FEM1B: variants seen among roughly 807,000 people sequenced by gnomAD.
FEM1B encodes fem-1 homolog B.
In FEM1B, 10 loss-of-function variants were observed where a neutral mutation model predicts 38.6. The observed-to-expected ratio is 0.26, with a 90% CI of 0.16 to 0.44. FEM1B has a LOEUF of 0.44. Ranked by LOEUF, FEM1B falls within the 20% of genes least tolerant of loss-of-function variation. FEM1B has a pLI of 1.00. For missense variants in FEM1B, 471 were observed against 786.7 expected (o/e 0.60, Z 4.80); for synonymous variants, 288 against 288.0 (o/e 1.00, Z 0.00).
chr15:68,281,827 G>C lies in FEM1B; in HGVS notation c.248+3162G>C, dbSNP rs1486044938. Among the ~76,000 whole-genome samples, 1 of 152,176 alleles carries C rather than the reference G, an allele frequency of 6.6e-6. No homozygotes were observed. The highest frequency in any genetic ancestry group is 2.4e-5 in the African/African-American group (1 of 41,432). ...GAGACGGTTTCACCGTGTTAGCCAGGATGGTCTCGATCTCCTGACCTCGTG... is the reference window on the plus strand; with the variant it reads ...GAGACGGTTTCACCGTGTTAGCCAGCATGGTCTCGATCTCCTGACCTCGTG... On this transcript the variant is annotated intron_variant, in intron 1 of 1. Transcript: ENST00000306917. This position sits in a 1 kb window ranked among gnomAD's most constrained non-coding sequence, Gnocchi z 5.1.
rs1892697455 is a variant in FEM1B, at chr15:68,278,912, G to A, written c.248+247G>A. Among the ~76,000 whole-genome samples, 1 of 152,004 alleles carries A rather than the reference G, an allele frequency of 6.6e-6. No individual in the cohort carries two copies. The highest frequency in any genetic ancestry group is 1.5e-5 in the Non-Finnish European group (1 of 68,014). ...CTGTGGGAAGATAACCACACCCTCG[G>A]CCTTGAAATCTAATAGTCGTCTTCT... On this transcript the variant is annotated intron_variant, in intron 1 of 1. Coordinates refer to ENST00000306917, the MANE Select transcript of FEM1B (RefSeq NM_015322.5). This position sits in a 1 kb window ranked among gnomAD's most constrained non-coding sequence, Gnocchi z 5.7.
Position 68,288,407 on chromosome 15 carries a change from TC to T in FEM1B, c.249-1199del, listed in dbSNP as rs111367704. 0.052 allele frequency among the ~76,000 whole-genome samples: 7,912 copies of T among 152,282 alleles called. 661 individuals carry two copies. Among genetic ancestry groups the T allele is most frequent in the African/African-American group, 0.17 (7,241 of 41,506 alleles). On this transcript the variant is annotated intron_variant, in intron 1 of 1. Coordinates refer to ENST00000306917, the MANE Select transcript of FEM1B (RefSeq NM_015322.5). This position sits in a 1 kb window ranked among gnomAD's most constrained non-coding sequence, Gnocchi z 4.6. ...ATTGCCCTAGTGAATATTCCTTTGA[TC>T]AACCTTTCTTCTTAACACTTCCAAA...
intron 1 of FEM1B, among the ~76,000 whole-genome samples, chr15:68,285,099 C>G (rs548348660): frequency 4.6e-5 from 7 of 152,322 alleles, no homozygotes; most frequent in Admixed American, 4.6e-4. Context: ...TGTACTTGAA[C>G]TTCCTATAAG....
Position 68,278,424 on chromosome 15 carries a change from G to A in FEM1B, c.7G>A (p.Gly3Ser), listed in dbSNP as rs1340334345. 6.2e-7 allele frequency: 1 copy of A among 1,611,476 alleles called. No homozygotes were observed. The highest frequency in any genetic ancestry group is 8.5e-7 in the Non-Finnish European group (1 of 1,179,262). The change falls in exon 1 of 2, where the codon GGC becomes AGC. Residue 3 changes from glycine to serine, a missense_variant. Gly to Ser is a moderately conservative substitution (Grantham distance 56). Transcript: ENST00000306917. The surrounding 1 kb of genome is among the most constrained non-coding windows in gnomAD (Gnocchi z 5.7). ME[G>S]LAGYVYKAAS... ...GTTGGAGTTGGCGGCGGCCATGGAG[G>A]GCCTGGCTGGCTATGTATACAAGGC...
rs959331340 is a variant in FEM1B, at chr15:68,289,436, A to G, written c.249-171A>G. 3.0e-5 allele frequency: 18 copies of G among 605,276 alleles called. No homozygotes were observed. The highest frequency in any genetic ancestry group is 1.1e-4 in the African/African-American group (6 of 53,916). 37.5% of individuals were successfully genotyped at this position (605,276 alleles called of 1,614,324 possible). On this transcript the variant is annotated intron_variant, in intron 1 of 1. Transcript: ENST00000306917. This position sits in a 1 kb window ranked among gnomAD's most constrained non-coding sequence, Gnocchi z 6.9. Reference sequence around the variant, plus strand: ...TATATTGAGCTTTATATTAGGTACAAGTACTATGCAAAGTGCTTTCCTTAA... The same window carrying G: ...TATATTGAGCTTTATATTAGGTACAGGTACTATGCAAAGTGCTTTCCTTAA...
chr15:68,279,088 T>G (rs1892699563), intron 1 of FEM1B, among the ~76,000 whole-genome samples: 1 of 152,174 alleles, frequency 6.6e-6, no homozygotes, highest in South Asian at 2.1e-4. Flanking sequence ...GGGCATCCAT[T>G]TTTACTCCCT....
intron 1 of FEM1B, among the ~76,000 whole-genome samples, chr15:68,285,341 T>C (rs1453292063): frequency 1.3e-5 from 2 of 152,232 alleles, no homozygotes; most frequent in East Asian, 3.8e-4. Context: ...GTATGTTGTT[T>C]GGTGGACATT....
At position 68,292,876 on chromosome 15, in the gene FEM1B, AG is replaced by A. The variant is rs1267878589; in HGVS notation, c.*1640del. ...ATTTTGAAGGATGGGAGGGGACAGAAGGGGGGACTATCCCCCAAGGATGCAA... is the reference window on the plus strand; with the variant it reads ...ATTTTGAAGGATGGGAGGGGACAGAAGGGGGACTATCCCCCAAGGATGCAA... On this transcript the variant is annotated 3_prime_UTR_variant, in exon 2 of 2. Transcript: ENST00000306917. 6.6e-6 allele frequency: 1 copy of A among 152,246 alleles called. No homozygotes were observed. Among genetic ancestry groups the A allele is most frequent in the East Asian group, 1.9e-4 (1 of 5,182 alleles). The allele number at this position is 152,246 out of a possible 1,614,324, so 9.4% of individuals were successfully genotyped here.
In FEM1B at chr15:68,289,372, T is replaced by C; in HGVS notation, c.249-235T>C. On this transcript the variant is annotated intron_variant, in intron 1 of 1. Coordinates refer to ENST00000306917, the MANE Select transcript of FEM1B (RefSeq NM_015322.5). This position sits in a 1 kb window ranked among gnomAD's most constrained non-coding sequence, Gnocchi z 6.9. ...TTCGTGATTTTTCAGGTTTGTTTTT[T>C]AGGGTTATATACTCTAGTAGTAACA... The C allele has an allele frequency of 2.3e-6, 1 of 437,326 alleles. No homozygotes were observed. The highest frequency in any genetic ancestry group is 3.5e-5 in the East Asian group (1 of 28,724). 27.1% of individuals were successfully genotyped at this position (437,326 alleles called of 1,614,324 possible).
At position 68,286,584 on chromosome 15, in the gene FEM1B, T is replaced by C. The variant is rs144854183; in HGVS notation, c.249-3023T>C. Among the ~76,000 whole-genome samples the C allele has an allele frequency of 1.6e-3, 237 of 152,266 alleles. 1 individual carries two copies. Among genetic ancestry groups the C allele is most frequent in the African/African-American group, 5.5e-3 (230 of 41,538 alleles). ...AGGGAGAATCGACATCTTAACATTA[T>C]AGAGTCTTCTGGATCATGAACATGG... On this transcript the variant is annotated intron_variant, in intron 1 of 1. Transcript: ENST00000306917.
chr15:68,286,070 A>AG (rs146122343), intron 1 of FEM1B, among the ~76,000 whole-genome samples: 1,673 of 151,780 alleles, frequency 0.011, 41 homozygotes, highest in African/African-American at 0.039. Context: ...ATGTACTGTG[A>AG]GGTAGGAATC....
chr15:68,278,727 C>G lies in FEM1B; in HGVS notation c.248+62C>G. 1 of 1,593,368 alleles carries G rather than the reference C, an allele frequency of 6.3e-7. No individual in the cohort carries two copies. On this transcript the variant is annotated intron_variant, in intron 1 of 1. Coordinates refer to ENST00000306917, the MANE Select transcript of FEM1B (RefSeq NM_015322.5). The surrounding 1 kb of genome is among the most constrained non-coding windows in gnomAD (Gnocchi z 5.7). Reference sequence around the variant, plus strand: ...GCGGACTCGTTAATTCACGGGCCCTCCCCTCCCTCACCCTCTCTTACCCTC... The same window carrying G: ...GCGGACTCGTTAATTCACGGGCCCTGCCCTCCCTCACCCTCTCTTACCCTC...
rs771040816 is a variant in FEM1B, at chr15:68,278,068, C to T, written c.-350C>T. 4 of 236,226 alleles carry T rather than the reference C, an allele frequency of 1.7e-5. No individual in the cohort carries two copies. Among genetic ancestry groups the T allele is most frequent in the Admixed American group, 6.1e-5 (1 of 16,452 alleles). The allele number at this position is 236,226 out of a possible 1,614,324, so 14.6% of individuals were successfully genotyped here. ...CCCGGCCGGCGACCCGTAGCTCGGGCACGCGCCTGTCGCATCCCGCAGGAA... is the reference window on the plus strand; with the variant it reads ...CCCGGCCGGCGACCCGTAGCTCGGGTACGCGCCTGTCGCATCCCGCAGGAA... On this transcript the variant is annotated 5_prime_UTR_variant, in exon 1 of 2. Coordinates refer to ENST00000306917, the MANE Select transcript of FEM1B (RefSeq NM_015322.5). The surrounding 1 kb of genome is among the most constrained non-coding windows in gnomAD (Gnocchi z 5.7).
Position 68,291,537 on chromosome 15 carries a change from G to T in FEM1B, c.*295G>T. The T allele has an allele frequency of 3.2e-6, 1 of 316,616 alleles. No homozygotes were observed. 19.6% of individuals were successfully genotyped at this position (316,616 alleles called of 1,614,324 possible). Reference sequence around the variant, plus strand: ...TAAAATGTTTTGTTTATGTAACAAGGGACATTTATAATTTCAAGTTGATAA... The same window carrying T: ...TAAAATGTTTTGTTTATGTAACAAGTGACATTTATAATTTCAAGTTGATAA... On this transcript the variant is annotated 3_prime_UTR_variant, in exon 2 of 2. Coordinates refer to ENST00000306917, the MANE Select transcript of FEM1B (RefSeq NM_015322.5). This position sits in a 1 kb window ranked among gnomAD's most constrained non-coding sequence, Gnocchi z 6.9.
rs1892892544 is a variant in FEM1B, at chr15:68,295,316, A to G, written c.*4074A>G. 6.6e-6 allele frequency: 1 copy of G among 152,228 alleles called. No individual in the cohort carries two copies. Among genetic ancestry groups the G allele is most frequent in the Admixed American group, 6.5e-5 (1 of 15,278 alleles). The allele number at this position is 152,228 out of a possible 1,614,324, so 9.4% of individuals were successfully genotyped here. A position where few individuals can be genotyped will look rare whatever the true frequency, so the allele number is the denominator to read the frequency against. On this transcript the variant is annotated 3_prime_UTR_variant, in exon 2 of 2. Coordinates refer to ENST00000306917, the MANE Select transcript of FEM1B (RefSeq NM_015322.5). The stretch of plus-strand genomic sequence containing the variant: ...AGAAAAGTGAAGGAGCGAAGATGCA[A>G]GCTTGCCAAATGATGAAATGAACAA...
rs1892683594 is a variant in FEM1B at position 68,278,260 on chromosome 15, C to T, written c.-158C>T. 3.1e-6 allele frequency: 3 copies of T among 979,538 alleles called. No individual in the cohort carries two copies. The highest frequency in any genetic ancestry group is 2.9e-5 in the Admixed American group (1 of 34,264). 60.7% of individuals were successfully genotyped at this position (979,538 alleles called of 1,614,324 possible). On this transcript the variant is annotated 5_prime_UTR_variant, in exon 1 of 2. Transcript: ENST00000306917. The surrounding 1 kb of genome is among the most constrained non-coding windows in gnomAD (Gnocchi z 5.7). ...TCGGCCTCCTCTGCGTCTCCGCCTT[C>T]CCTGGGCCGCACTGCTGCCTGGGCG...
chr15:68,291,466 C>T lies in FEM1B; in HGVS notation c.*224C>T. The T allele has an allele frequency of 6.6e-6, 3 of 452,874 alleles. No homozygotes were observed. The highest frequency in any genetic ancestry group is 1.2e-5 in the Non-Finnish European group (3 of 257,990). The allele number at this position is 452,874 out of a possible 1,614,324, so 28.1% of individuals were successfully genotyped here. A position where few individuals can be genotyped will look rare whatever the true frequency, so the allele number is the denominator to read the frequency against. On this transcript the variant is annotated 3_prime_UTR_variant, in exon 2 of 2. Coordinates refer to ENST00000306917, the MANE Select transcript of FEM1B (RefSeq NM_015322.5). This position sits in a 1 kb window ranked among gnomAD's most constrained non-coding sequence, Gnocchi z 6.9. Reference sequence around the variant, plus strand: ...TTTTGGTGTAACTATAAGGTATTTGCATATTGGTTACCTATTTGTCTTTCT... The same window carrying T: ...TTTTGGTGTAACTATAAGGTATTTGTATATTGGTTACCTATTTGTCTTTCT...
Position 68,294,431 on chromosome 15 carries a change from T to C in FEM1B, c.*3189T>C, listed in dbSNP as rs1406620559. The C allele has an allele frequency of 1.3e-5, 2 of 152,162 alleles. No homozygotes were observed. The highest frequency in any genetic ancestry group is 2.4e-5 in the African/African-American group (1 of 41,438). The allele number at this position is 152,162 out of a possible 1,614,324, so 9.4% of individuals were successfully genotyped here. A position where few individuals can be genotyped will look rare whatever the true frequency, so the allele number is the denominator to read the frequency against. On this transcript the variant is annotated 3_prime_UTR_variant, in exon 2 of 2. Transcript: ENST00000306917. The surrounding 1 kb of genome is among the most constrained non-coding windows in gnomAD (Gnocchi z 4.4). ...TGATAACATTGTTTGAAGTAAAATATGATTTGGGGGCAGCAGCTTTCTAAA... is the reference window on the plus strand; with the variant it reads ...TGATAACATTGTTTGAAGTAAAATACGATTTGGGGGCAGCAGCTTTCTAAA...
Position 68,281,898 on chromosome 15 carries a change from G to A in FEM1B, c.248+3233G>A, listed in dbSNP as rs567126778. Reference sequence around the variant, plus strand: ...CTAAGTGCTGGGATTACAGGCTTGAGCCACTGTGCGCGGCCTCTTGTTCAC... The same window carrying A: ...CTAAGTGCTGGGATTACAGGCTTGAACCACTGTGCGCGGCCTCTTGTTCAC... On this transcript the variant is annotated intron_variant, in intron 1 of 1. Coordinates refer to ENST00000306917, the MANE Select transcript of FEM1B (RefSeq NM_015322.5). This position sits in a 1 kb window ranked among gnomAD's most constrained non-coding sequence, Gnocchi z 5.1. 1.3e-5 allele frequency among the ~76,000 whole-genome samples: 2 copies of A among 152,350 alleles called. No individual in the cohort carries two copies. The highest frequency in any genetic ancestry group is 6.5e-5 in the Admixed American group (1 of 15,302).
Sources: allele counts gnomAD v4.1 joint callset (sites outside exome capture counted in the v4.1 genomes callset), GRCh38; gene constraint gnomAD v4.1.1; non-coding constraint Gnocchi (gnomAD v3.1); transcripts MANE v1.5; gene names NCBI Gene and HGNC (gene_info 2026-07-23, HGNC 2026-07-21).